The following CYFIP1 variants were observed in gnomAD, a reference collection of about 807,000 sequenced individuals.
CYFIP1 encodes cytoplasmic FMR1 interacting protein 1.
CYFIP1 carries 58 observed loss-of-function variants against 163.5 expected under a neutral mutation model. The ratio of observed to expected loss-of-function variants is 0.35; its 90% CI spans 0.29 to 0.44. The LOEUF is 0.44. CYFIP1 is among the 20% of genes least tolerant of loss of function. The pLI is 1.00. For missense variants in CYFIP1, 1,338 were observed against 1,653.8 expected, an observed-to-expected ratio of 0.81 and a Z score of 3.31; for synonymous variants, 663 against 660.7, an observed-to-expected ratio of 1.00 and a Z score of -0.05.
chr15:22,917,617 A>C lies in CYFIP1; in HGVS notation c.1674+171T>G. 2.5e-6 allele frequency: 2 copies of C among 806,176 alleles called. No homozygotes were observed. The highest frequency in any genetic ancestry group is 3.8e-5 in the South Asian group (2 of 52,420). The allele number at this position is 806,176 out of a possible 1,614,324, so 49.9% of individuals were successfully genotyped here. Reference sequence around the variant, plus strand: ...CAAGGCACGTCTCCTCACGCTCCCAACTCACTTGGGTGGGAAACAGAGGAG... The same window carrying C: ...CAAGGCACGTCTCCTCACGCTCCCACCTCACTTGGGTGGGAAACAGAGGAG... On this transcript the variant is annotated intron_variant, in intron 15 of 30. Coordinates refer to ENST00000617928, the MANE Select transcript of CYFIP1 (RefSeq NM_014608.6). The surrounding 1 kb of genome is among the most constrained non-coding windows in gnomAD (Gnocchi z 4.2).
intron 8 of CYFIP1, among the ~76,000 whole-genome samples, chr15:22,938,358 C>CT (rs1490731347): frequency 6.6e-6 from 1 of 151,978 alleles, no homozygotes; most frequent in Non-Finnish European, 1.5e-5. Context: ...AATCCTAGCA[C>CT]TTTGCGGGGG....
At chr15:22,894,278 CTTTTTTTTTTTTT>C (rs57603773) in intron 22 of CYFIP1, among the ~76,000 whole-genome samples, 3 of 65,456 alleles carry the variant, frequency 4.6e-5, no homozygotes, top group Admixed American at 2.3e-4. Flanking sequence ...GCAGACTTTT[CTTTTTTTTTTTTT>C]TTTTTTTTTT....
rs945371816 is a variant in CYFIP1 at position 22,937,211 on chromosome 15, G to A, written c.796-3C>T. On this transcript the variant is annotated splice_region_variant and splice_polypyrimidine_tract_variant and intron_variant, in intron 8 of 30. Transcript: ENST00000617928. The stretch of plus-strand genomic sequence containing the variant: ...AGGTACAGACCAAATCCCATGACCT[G>A]AAAAGCCACAAAATGAATGATGCGA... 1 of 1,579,238 alleles carries A rather than the reference G, an allele frequency of 6.3e-7. No individual in the cohort carries two copies. Among genetic ancestry groups the A allele is most frequent in the Non-Finnish European group, 8.7e-7 (1 of 1,148,552 alleles).
At chr15:22,910,061 G>A (rs993887285) in intron 20 of CYFIP1, among the ~76,000 whole-genome samples, 1 of 152,128 alleles carries the variant, frequency 6.6e-6, no homozygotes, top group African/African-American at 2.4e-5. Flanking sequence ...CAATAGAAAC[G>A]GTGTGTCTTT....
chr15:22,978,476 C>T (rs529417730), intron 1 of CYFIP1, among the ~76,000 whole-genome samples: 68 of 148,810 alleles, frequency 4.6e-4, no homozygotes, highest in African/African-American at 1.6e-3. Flanking sequence ...CTTTAAGTAA[C>T]CAAACATCAT....
Position 22,917,953 on chromosome 15 carries a change from T to C in CYFIP1, c.1527-18A>G. ...GCAGGACACTGAACACCCCACCAAG[T>C]GATCAGCAAGGCCCAGAGGCCGAGA... On this transcript the variant is annotated intron_variant, in intron 14 of 30. Transcript: ENST00000617928. This position sits in a 1 kb window ranked among gnomAD's most constrained non-coding sequence, Gnocchi z 4.2. 2.5e-6 allele frequency: 4 copies of C among 1,608,774 alleles called. No individual in the cohort carries two copies. The highest frequency in any genetic ancestry group is 3.4e-6 in the Non-Finnish European group (4 of 1,177,688).
At chr15:22,950,729 G>A (rs1453044923) in intron 1 of CYFIP1, among the ~76,000 whole-genome samples, 1 of 152,214 alleles carries the variant, frequency 6.6e-6, no homozygotes, top group Non-Finnish European at 1.5e-5. Context: ...GCGTGTCCAA[G>A]CTGTATGTGC....
chr15:22,910,867 T>C (rs950170865), intron 18 of CYFIP1, 54 bp from the exon 19 acceptor site: 58 of 1,470,082 alleles, frequency 3.9e-5, no homozygotes, highest in Non-Finnish European at 5.2e-5. Context: ...CAAGATCAAA[T>C]AACAAGGTGA....
At chr15:22,876,162 A>C (rs2059579439) in intron 26 of CYFIP1, among the ~76,000 whole-genome samples, 1 of 152,004 alleles carries the variant, frequency 6.6e-6, no homozygotes, top group Non-Finnish European at 1.5e-5. Context: ...TTAAACAAAG[A>C]AACAGCTATC....
rs548797678 is a variant in CYFIP1 at position 22,922,081 on chromosome 15, C to T, written c.1360-3223G>A. Among the ~76,000 whole-genome samples the T allele has an allele frequency of 3.9e-5, 6 of 152,250 alleles. No individual in the cohort carries two copies. The South Asian group carries it at 1.2e-3, about 32-fold the overall frequency. On this transcript the variant is annotated intron_variant, in intron 13 of 30. Coordinates refer to ENST00000617928, the MANE Select transcript of CYFIP1 (RefSeq NM_014608.6). ...GCAGGCTGGGGAGAATGAAACTCCG[C>T]ACATCCCCAAGAAAGGCCCATCTTC...
intron 13 of CYFIP1, among the ~76,000 whole-genome samples, chr15:22,923,533 C>T (rs968896863): frequency 6.6e-6 from 1 of 152,134 alleles, no homozygotes; most frequent in African/African-American, 2.4e-5. Context: ...AGAAATGGTG[C>T]TGCCACTATC....
chr15:22,937,238 A>C, intron 8 of CYFIP1, 30 bp from the exon 9 acceptor site: 1 of 1,363,528 alleles, frequency 7.3e-7, no homozygotes. Context: ...ATGATGCGAC[A>C]AAGCTCAGAA....
rs1555392966 is a variant in CYFIP1, at chr15:22,868,677, C to CACGT, written c.*1350_*1351insACGT. 1 of 151,978 alleles carries CACGT rather than the reference C, an allele frequency of 6.6e-6. No individual in the cohort carries two copies. Among genetic ancestry groups the CACGT allele is most frequent in the African/African-American group, 2.4e-5 (1 of 41,290 alleles). The allele number at this position is 151,978 out of a possible 1,614,324, so 9.4% of individuals were successfully genotyped here. A position where few individuals can be genotyped will look rare whatever the true frequency, so the allele number is the denominator to read the frequency against. On this transcript the variant is annotated 3_prime_UTR_variant, in exon 31 of 31. Coordinates refer to ENST00000617928, the MANE Select transcript of CYFIP1 (RefSeq NM_014608.6). ...TGGCAGTGTAACAGGATGGTTCGTACACTTACTACTTTTCTGTGCCGTGCA... is the reference window on the plus strand; with the variant it reads ...TGGCAGTGTAACAGGATGGTTCGTACACGTACTTACTACTTTTCTGTGCCGTGCA...
chr15:22,875,511 G>C (rs916625106), intron 26 of CYFIP1: 1 of 491,600 alleles, frequency 2.0e-6, no homozygotes, highest in African/African-American at 1.9e-5. Context: ...TTGAGGAACT[G>C]AATTTTATTT....
In CYFIP1 at chr15:22,867,174, G is replaced by C; in HGVS notation, c.*2854C>G. The C allele has an allele frequency of 2.3e-6, 1 of 442,486 alleles. No homozygotes were observed. Among genetic ancestry groups the C allele is most frequent in the Non-Finnish European group, 3.9e-6 (1 of 253,234 alleles). The allele number at this position is 442,486 out of a possible 1,614,324, so 27.4% of individuals were successfully genotyped here. ...CTTTATTTTTTCATTGGTGATGAAA[G>C]TCTGAAATGTGCATTTGTCATCCCC... On this transcript the variant is annotated 3_prime_UTR_variant, in exon 31 of 31. Coordinates refer to ENST00000617928, the MANE Select transcript of CYFIP1 (RefSeq NM_014608.6).
chr15:22,939,556 T>TAAAAAAAAAAAA, intron 6 of CYFIP1, 49 bp from the exon 7 acceptor site: 1 of 408,546 alleles, frequency 2.4e-6, no homozygotes, highest in Non-Finnish European at 3.8e-6. Flanking sequence ...CGTGCCACAT[T>TAAAAAAAAAAAA]TAAAAAAAAA....
chr15:22,881,990 G>A (rs557244021), intron 24 of CYFIP1, 54 bp from the exon 25 acceptor site: 19 of 1,510,510 alleles, frequency 1.3e-5, no homozygotes, highest in South Asian at 1.3e-4. Context: ...CTCTGCTAAC[G>A]CCTGTGGCCG....
At position 22,910,597 on chromosome 15, in the gene CYFIP1, A is replaced by G; in HGVS notation, c.2191T>C (p.Cys731Arg). 1 of 1,614,188 alleles carries G rather than the reference A, an allele frequency of 6.2e-7. No homozygotes were observed. The highest frequency in any genetic ancestry group is 1.7e-5 in the Admixed American group (1 of 60,026). Reference protein sequence around the residue: ...LLLDKRLRSECKNQGATIHLP... With the variant: ...LLLDKRLRSERKNQGATIHLP... ...TGGATCGTGGCTCCCTGATTCTTGC[A>G]TTCTGATCGTAACCGTTTATCAAGA... Residue 731 changes from cysteine (C) to arginine (R), a missense_variant, in exon 20 of 31, where the codon TGC (cysteine) becomes CGC (arginine). Around this residue, in one of 4 missense-constraint regions of CYFIP1, gnomAD observed 824 missense variants for 995.7 expected, o/e 0.83. Transcript: ENST00000617928.
At chr15:22,903,354 T>C (rs1458674282) in intron 22 of CYFIP1, among the ~76,000 whole-genome samples, 3 of 150,076 alleles carry the variant, frequency 2.0e-5, no homozygotes, top group Non-Finnish European at 4.4e-5. Context: ...TCACATCACT[T>C]CATGCTGTCC....
Sources: gnomAD v4.1 joint callset for allele counts (sites outside exome capture counted in the v4.1 genomes callset) on GRCh38, gnomAD v4.1.1 for gene constraint, gnomAD v4.1.1 regional missense constraint, Gnocchi (gnomAD v3.1) non-coding constraint, MANE v1.5 for transcripts, NCBI Gene and HGNC (gene_info 2026-07-23, HGNC 2026-07-21) for gene names.